PDGFC: variants seen among roughly 807,000 people sequenced by gnomAD.
PDGFC encodes platelet-derived growth factor C.
Under a neutral mutation model 35.5 loss-of-function variants are expected in PDGFC, and 12 were observed. The observed-to-expected ratio is 0.34, with a 90% confidence interval of 0.22 to 0.55. PDGFC has a LOEUF of 0.55. Among genes scored for constraint, PDGFC ranks in the 20% least tolerant of loss-of-function variants. PDGFC has a pLI of 0.91. For missense variants in PDGFC, 322 were observed against 412.4 expected (o/e 0.78, Z 1.90); for synonymous variants, 159 against 148.8 (o/e 1.07, Z -0.50).
intron 1 of PDGFC, among the ~76,000 whole-genome samples, chr4:156,857,756 A>G (rs1213086507): frequency 6.6e-6 from 1 of 152,104 alleles, no homozygotes; most frequent in African/African-American, 2.4e-5. Flanking sequence ...CAGAGTAAAT[A>G]CAATGGCTTT....
Position 156,817,717 on chromosome 4 carries a change from C to T in PDGFC, c.315-6700G>A, listed in dbSNP as rs183434191. The stretch of plus-strand genomic sequence containing the variant: ...ACATATCATTCCAATTTTATATGAA[C>T]AATTTTTAATTTGACCAGCGCAGCT... On this transcript the variant is annotated intron_variant, in intron 2 of 5. Coordinates refer to ENST00000502773, the MANE Select transcript of PDGFC (RefSeq NM_016205.3). Among the ~76,000 whole-genome samples, 363 of 152,130 alleles carry T rather than the reference C, an allele frequency of 2.4e-3. 1 individual carries two copies. The highest frequency in any genetic ancestry group is 8.5e-3 in the African/African-American group (351 of 41,504).
At chr4:156,801,729 G>A (rs938131582) in intron 3 of PDGFC, among the ~76,000 whole-genome samples, 2 of 152,074 alleles carry the variant, frequency 1.3e-5, no homozygotes, top group African/African-American at 4.8e-5. Context: ...TGCAAAAATG[G>A]TAATTGTGGC....
intron 2 of PDGFC, among the ~76,000 whole-genome samples, chr4:156,817,824 C>T (rs768704757): frequency 1.3e-5 from 2 of 151,784 alleles, no homozygotes; most frequent in Non-Finnish European, 2.9e-5. Context: ...TTTGGGAGGC[C>T]AAGGTGGGCA....
chr4:156,899,690 C>T (rs1343136190), intron 1 of PDGFC, among the ~76,000 whole-genome samples: 1 of 152,100 alleles, frequency 6.6e-6, no homozygotes, highest in East Asian at 1.9e-4. Context: ...TGGCACACAC[C>T]TGTAATCCCA....
chr4:156,829,244 T>C (rs985771354), intron 2 of PDGFC, among the ~76,000 whole-genome samples: 2 of 152,166 alleles, frequency 1.3e-5, no homozygotes, highest in Non-Finnish European at 2.9e-5. Flanking sequence ...AAATGGATTG[T>C]TGAACGAGGA....
At chr4:156,811,074 AC>A (rs1397717732) in intron 2 of PDGFC, 57 bp from the exon 3 acceptor site, 2 of 1,216,516 alleles carry the variant, frequency 1.6e-6, no homozygotes, top group African/African-American at 1.6e-5. Context: ...TCTGGCAATT[AC>A]AAGTTTCATG....
intron 1 of PDGFC, among the ~76,000 whole-genome samples, chr4:156,874,807 A>G (rs1055953915): frequency 1.3e-5 from 2 of 151,508 alleles, no homozygotes; most frequent in Non-Finnish European, 2.9e-5. Flanking sequence ...ACCTCTACCT[A>G]TGGGGCTCAC....
intron 1 of PDGFC, among the ~76,000 whole-genome samples, chr4:156,859,573 G>C (rs1029122758): frequency 6.6e-6 from 1 of 151,958 alleles, no homozygotes; most frequent in Non-Finnish European, 1.5e-5. Context: ...CCCCTCAAAG[G>C]CTAAGTTTAA....
At chr4:156,961,785 A>G (rs572748144) in intron 1 of PDGFC, among the ~76,000 whole-genome samples, 170 of 152,182 alleles carry the variant, frequency 1.1e-3, no homozygotes, top group Admixed American at 2.8e-3. Flanking sequence ...TTTTATCCCA[A>G]TTGCGGATCC....
intron 1 of PDGFC, among the ~76,000 whole-genome samples, chr4:156,945,582 TCTCA>T (rs1237549027): frequency 6.6e-5 from 10 of 151,850 alleles, no homozygotes; most frequent in Non-Finnish European, 1.3e-4. Flanking sequence ...GATCACTCTC[TCTCA>T]AAGAGGCTAC....
chr4:156,768,250 A>G (rs1343508956), intron 4 of PDGFC, among the ~76,000 whole-genome samples: 2 of 151,974 alleles, frequency 1.3e-5, no homozygotes, highest in Admixed American at 1.3e-4. Flanking sequence ...AGAGCCAACA[A>G]AACAGTTGAA....
intron 3 of PDGFC, among the ~76,000 whole-genome samples, chr4:156,777,162 T>C (rs969696388): frequency 6.6e-6 from 1 of 152,130 alleles, no homozygotes; most frequent in East Asian, 1.9e-4. Context: ...ATTTTGAGAG[T>C]ACATGAAGTT....
intron 4 of PDGFC, among the ~76,000 whole-genome samples, chr4:156,772,212 A>T (rs772756177): frequency 1.5e-4 from 23 of 152,108 alleles, no homozygotes; most frequent in Non-Finnish European, 2.8e-4. Context: ...AGTTCTTAGA[A>T]TTGTCTAGGC....
chr4:156,923,400 G>C (rs560736434), intron 1 of PDGFC, among the ~76,000 whole-genome samples: 1 of 152,150 alleles, frequency 6.6e-6, no homozygotes, highest in Non-Finnish European at 1.5e-5. Flanking sequence ...ACAATAAAGA[G>C]AAAATAGCCC....
chr4:156,835,906 G>A (rs770937905), intron 2 of PDGFC: 26 of 152,072 alleles, frequency 1.7e-4, no homozygotes, highest in Non-Finnish European at 2.8e-4. Flanking sequence ...AATGCATTCA[G>A]GATTTTACCT....
chr4:156,789,717 C>A (rs938229618), intron 3 of PDGFC, among the ~76,000 whole-genome samples: 2 of 152,170 alleles, frequency 1.3e-5, no homozygotes, highest in African/African-American at 4.8e-5. Context: ...TGGCTCACAC[C>A]TGCAATCCCA....
At chr4:156,800,199 A>C (rs1731561699) in intron 3 of PDGFC, among the ~76,000 whole-genome samples, 1 of 152,156 alleles carries the variant, frequency 6.6e-6, no homozygotes, top group African/African-American at 2.4e-5. Flanking sequence ...CATAAGGCAC[A>C]CTTATTTTAA....
intron 3 of PDGFC, among the ~76,000 whole-genome samples, chr4:156,795,917 C>T (rs1301914664): frequency 6.6e-6 from 1 of 152,132 alleles, no homozygotes. Context: ...CTCTTAGTAT[C>T]CTAAAACTTC....
intron 2 of PDGFC, among the ~76,000 whole-genome samples, chr4:156,825,061 A>G (rs1732403554): frequency 6.6e-6 from 1 of 152,230 alleles, no homozygotes; most frequent in African/African-American, 2.4e-5. Flanking sequence ...AATAAAATTA[A>G]CATATCTAGA....
Sources: allele counts gnomAD v4.1 joint callset (sites outside exome capture counted in the v4.1 genomes callset), GRCh38; gene constraint gnomAD v4.1.1; transcripts MANE v1.5; gene names NCBI Gene and HGNC (gene_info 2026-07-23, HGNC 2026-07-21).